TUBGCP3: variants seen among roughly 807,000 people sequenced by gnomAD.
The protein encoded by TUBGCP3 is tubulin gamma complex component 3.
Under a neutral mutation model 123.1 loss-of-function variants are expected in TUBGCP3, and 50 were observed. That is an observed-to-expected ratio of 0.41 (90% CI 0.32 to 0.51). The LOEUF (loss-of-function observed/expected upper bound fraction) is 0.51. TUBGCP3 is among the 20% of genes least tolerant of loss of function. TUBGCP3 has a pLI of 0.36. For synonymous variants in TUBGCP3, 405 were observed against 413.9 expected (o/e 0.98, Z 0.26); for missense variants, 882 against 1,127.0 (o/e 0.78, Z 3.11).
intron 19 of TUBGCP3, among the ~76,000 whole-genome samples, chr13:112,502,494 T>G (rs1415870055): frequency 6.6e-6 from 1 of 151,990 alleles, no homozygotes; most frequent in Non-Finnish European, 1.5e-5. Context: ...AGACCAGGGT[T>G]AGTAATAGAG....
chr13:112,572,885 G>A (rs1566588717), intron 1 of TUBGCP3, among the ~76,000 whole-genome samples: 1 of 151,998 alleles, frequency 6.6e-6, no homozygotes, highest in South Asian at 2.1e-4. Flanking sequence ...CTTGCCCAAC[G>A]CAGGGTGCCA....
Position 112,547,613 on chromosome 13 carries a change from G to A in TUBGCP3, c.1168+7C>T, listed in dbSNP as rs547345238. 8.3e-5 allele frequency: 126 copies of A among 1,511,778 alleles called. No homozygotes were observed. In the Admixed American group the frequency reaches 1.3e-3, roughly 15 times the overall value. The allele number at this position is 1,511,778 out of a possible 1,614,324, so 93.6% of individuals were successfully genotyped here. ...AAAGACGTGCGTGGGAAAGACGCGC[G>A]TGGGACCTTGGCAGTGGTCCACTAG... On this transcript the variant is annotated splice_region_variant and intron_variant, in intron 10 of 21. Coordinates refer to ENST00000261965, the MANE Select transcript of TUBGCP3 (RefSeq NM_006322.6).
At chr13:112,560,748 C>T (rs534684725) in intron 3 of TUBGCP3, among the ~76,000 whole-genome samples, 1 of 152,306 alleles carries the variant, frequency 6.6e-6, no homozygotes, top group South Asian at 2.1e-4. Flanking sequence ...AAATTACTAA[C>T]TTTAAAAAAT....
At chr13:112,590,245 G>A (rs111886468), upstream of TUBGCP3, among the ~76,000 whole-genome samples, 463 of 152,208 alleles carry the variant, frequency 3.0e-3, no homozygotes, top group African/African-American at 0.01. Context: ...CAAAGTGCTG[G>A]GATTACAGGC....
intron 11 of TUBGCP3, among the ~76,000 whole-genome samples, chr13:112,534,951 C>T (rs1246976362): frequency 6.6e-6 from 1 of 152,196 alleles, no homozygotes; most frequent in Non-Finnish European, 1.5e-5. Flanking sequence ...CTCTCTGCCT[C>T]CCCAGCCCCA....
At position 112,490,245 on chromosome 13, in the gene TUBGCP3, T is replaced by C. The variant is rs187682990; in HGVS notation, c.2449-548A>G. 1.4e-4 allele frequency among the ~76,000 whole-genome samples: 21 copies of C among 152,300 alleles called. No homozygotes were observed. The East Asian group carries it at 3.9e-3, about 28-fold the overall frequency. ...TAAATGTCTTCTCAGATAGCATATA[T>C]AGGAATTATGTTTGTTTGTTTGTTT... On this transcript the variant is annotated intron_variant, in intron 20 of 21. Coordinates refer to ENST00000261965, the MANE Select transcript of TUBGCP3 (RefSeq NM_006322.6).
Position 112,545,550 on chromosome 13 carries a change from C to G in TUBGCP3, c.1335+149G>C, listed in dbSNP as rs542004148. ...TCAGTGAGATAACCAGCTGTCGAGG[C>G]ACTGTGTAAAATGTATATGGTATTC... On this transcript the variant is annotated intron_variant, in intron 11 of 21. Transcript: ENST00000261965. The surrounding 1 kb of genome is among the most constrained non-coding windows in gnomAD (Gnocchi z 4.1). The G allele has an allele frequency of 3.2e-5, 26 of 819,670 alleles. No individual in the cohort carries two copies. Among genetic ancestry groups the G allele is most frequent in the Non-Finnish European group, 4.6e-5 (24 of 522,906 alleles). 50.8% of individuals were successfully genotyped at this position (819,670 alleles called of 1,614,324 possible).
Position 112,554,962 on chromosome 13 carries a change from C to A in TUBGCP3, c.765G>T (p.Leu255Phe). ...ITEAALVRDI[L>F]YVFQGIDGKN... ...TGCCATCTATGCCCTGAAAGACGTA[C>A]AAAATGTCCCTTACCAGAGCTGCTT... Residue 255 changes from leucine to phenylalanine, a missense_variant, in exon 7 of 22, where the codon TTG (leucine) becomes TTT (phenylalanine). Coordinates refer to ENST00000261965, the MANE Select transcript of TUBGCP3 (RefSeq NM_006322.6). The A allele has an allele frequency of 6.2e-7, 1 of 1,612,440 alleles. No individual in the cohort carries two copies. Among genetic ancestry groups the A allele is most frequent in the Non-Finnish European group, 8.5e-7 (1 of 1,179,678 alleles).
At chr13:112,588,706 C>T (rs959494274), upstream of TUBGCP3, among the ~76,000 whole-genome samples, 2 of 152,174 alleles carry the variant, frequency 1.3e-5, no homozygotes, top group Non-Finnish European at 2.9e-5. Context: ...GATAAGCAGA[C>T]AATTACACCA....
chr13:112,544,188 T>C (rs1484348417), intron 11 of TUBGCP3, among the ~76,000 whole-genome samples: 1 of 152,132 alleles, frequency 6.6e-6, no homozygotes, highest in Non-Finnish European at 1.5e-5. Flanking sequence ...GCGCAGTGGC[T>C]CACGCCTGTA....
At chr13:112,497,274 G>A (rs1428557005) in intron 20 of TUBGCP3, among the ~76,000 whole-genome samples, 1 of 152,208 alleles carries the variant, frequency 6.6e-6, no homozygotes, top group East Asian at 1.9e-4. Context: ...AGAATCGTGA[G>A]TATATCCGAC....
chr13:112,582,251 T>A (rs1016617648), intron 1 of TUBGCP3, among the ~76,000 whole-genome samples: 1 of 152,232 alleles, frequency 6.6e-6, no homozygotes, highest in African/African-American at 2.4e-5. Flanking sequence ...CTAAACTCAA[T>A]CAGTAATTCA....
At chr13:112,552,531 T>C (rs1224953371) in intron 8 of TUBGCP3, among the ~76,000 whole-genome samples, 1 of 152,208 alleles carries the variant, frequency 6.6e-6, no homozygotes, top group Non-Finnish European at 1.5e-5. Context: ...AGTACTAGAC[T>C]GGGAAGCAGC....
At chr13:112,518,806 T>C (rs1371613258) in intron 16 of TUBGCP3, among the ~76,000 whole-genome samples, 169 bp downstream of exon 16, 3 of 152,240 alleles carry the variant, frequency 2.0e-5, no homozygotes, top group Non-Finnish European at 4.4e-5. Context: ...TTAATAATCA[T>C]TTAAAACACA....
chr13:112,546,696 G>A (rs999401087), intron 10 of TUBGCP3: 4 of 152,472 alleles, frequency 2.6e-5, no homozygotes, highest in African/African-American at 7.2e-5. Flanking sequence ...AGGACCCCAG[G>A]GGCCCGCTGG....
upstream of TUBGCP3, among the ~76,000 whole-genome samples, chr13:112,588,620 G>T (rs1469011968): frequency 6.6e-6 from 1 of 152,302 alleles, no homozygotes; most frequent in Non-Finnish European, 1.5e-5. Context: ...CCCGGCCCGG[G>T]TAACTGGGAC....
chr13:112,533,443 A>T (rs1037520551), intron 11 of TUBGCP3, among the ~76,000 whole-genome samples: 5 of 152,190 alleles, frequency 3.3e-5, no homozygotes, highest in African/African-American at 9.7e-5. Context: ...GGCCTCCCTT[A>T]ACCAGGGCCA....
chr13:112,587,690 T>C (rs1594243418), intron 1 of TUBGCP3, among the ~76,000 whole-genome samples: 4 of 149,472 alleles, frequency 2.7e-5, no homozygotes, highest in African/African-American at 7.4e-5. Flanking sequence ...GCCCCGGTCC[T>C]GGCCCCCAGC....
At chr13:112,522,941 A>G (rs1400116118) in intron 13 of TUBGCP3, among the ~76,000 whole-genome samples, 1 of 152,240 alleles carries the variant, frequency 6.6e-6, no homozygotes, top group East Asian at 1.9e-4. Flanking sequence ...TAGTAGTATC[A>G]TGCACCATAG....
Sources: gnomAD v4.1 joint callset for allele counts (sites outside exome capture counted in the v4.1 genomes callset) on GRCh38, gnomAD v4.1.1 for gene constraint, Gnocchi (gnomAD v3.1) non-coding constraint, MANE v1.5 for transcripts, NCBI Gene and HGNC (gene_info 2026-07-23, HGNC 2026-07-21) for gene names.